VIT: variants seen among roughly 807,000 people sequenced by gnomAD.
The protein encoded by VIT is vitrin.
VIT carries 99 observed loss-of-function variants against 78.0 expected under a neutral mutation model. The ratio of observed to expected loss-of-function variants is 1.27; its 90% CI spans 1.08 to 1.50. The LOEUF (loss-of-function observed/expected upper bound fraction) is 1.50. VIT is among the 40% of genes most tolerant of loss of function. The probability of loss-of-function intolerance (pLI) is 0.00; values close to 1 mark genes in which losing one functional copy is unlikely to be tolerated. For missense variants in VIT, 1,126 were observed against 875.3 expected, an observed-to-expected ratio of 1.29 and a Z score of -3.61; for synonymous variants, 374 against 334.3, an observed-to-expected ratio of 1.12 and a Z score of -1.29.
chr2:36,745,957 T>C (rs1558534538), intron 4 of VIT, among the ~76,000 whole-genome samples: 1 of 152,190 alleles, frequency 6.6e-6, no homozygotes, highest in Non-Finnish European at 1.5e-5. Context: ...TAGATAGCTC[T>C]TATTATTTTG....
rs551895104 is a variant in VIT at position 36,754,906 on chromosome 2, T to A, written c.276-15T>A. On this transcript the variant is annotated splice_polypyrimidine_tract_variant and intron_variant, in intron 4 of 15. Transcript: ENST00000379242. ...TTTCTGTTCTTTCCTGAAAAATTAT[T>A]TTTTCTCTTCATAGTGGTGTGCTTG... is the stretch of plus-strand genomic sequence containing the variant. The A allele has an allele frequency of 1.2e-6, 2 of 1,600,780 alleles. No individual in the cohort carries two copies. The highest frequency in any genetic ancestry group is 2.3e-5 in the South Asian group (2 of 88,188).
Position 36,808,667 on chromosome 2 carries a change from G to T in VIT, c.1585G>T (p.Val529Phe). The T allele has an allele frequency of 1.2e-6, 2 of 1,614,188 alleles. No homozygotes were observed. The highest frequency in any genetic ancestry group is 1.7e-6 in the Non-Finnish European group (2 of 1,180,032). ...SSVGTGNFRT[V>F]LQFVTNLTKE... ...TGTGGGGACGGGCAACTTCCGCACCGTCCTCCAGTTTGTGACCAACCTCAC... is the reference window on the plus strand; with the variant it reads ...TGTGGGGACGGGCAACTTCCGCACCTTCCTCCAGTTTGTGACCAACCTCAC... Residue 529 changes from valine to phenylalanine, a missense_variant, in exon 15 of 16, where the codon GTC (valine) becomes TTC (phenylalanine). Transcript: ENST00000379242.
intron 15 of VIT, 139 bp from the exon 16 acceptor site, chr2:36,814,044 G>A (rs2148694747): frequency 3.2e-6 from 3 of 930,748 alleles, no homozygotes; most frequent in East Asian, 2.6e-5. Flanking sequence ...GAGGCCTGTA[G>A]CGTATTTTTG....
At chr2:36,759,562 C>A in intron 6 of VIT, 2 of 1,052,996 alleles carry the variant, frequency 1.9e-6, no homozygotes, top group East Asian at 1.7e-4. Context: ...GACCTCAGGC[C>A]AAGAAAATAC....
rs758520375 is a variant in VIT, at chr2:36,716,404, GT to G, written c.36del (p.Ile13LeufsTer9). ...TGTTGTTCTCACTATGAAGGCATCT[GT>G]TATTGAAATGTTCCTTGGTAAGTAC... Reference protein sequence around the residue: ...RTVVLTMKASVIEMFLVLLVT... With the variant: ...RTVVLTMKASXIEMFLVLLVT... On this transcript the variant is annotated frameshift_variant, in exon 2 of 16. Transcript: ENST00000379242. LOFTEE classifies it high-confidence loss of function. The G allele has an allele frequency of 9.3e-6, 15 of 1,613,826 alleles. No individual in the cohort carries two copies. The highest frequency in any genetic ancestry group is 1.7e-5 in the Admixed American group (1 of 60,006).
chr2:36,783,247 TG>T, intron 10 of VIT, 92 bp from the exon 11 acceptor site: 2 of 1,226,894 alleles, frequency 1.6e-6, no homozygotes, highest in South Asian at 1.3e-5. Context: ...GCCCCCAAGC[TG>T]GGTGTGAATA....
At chr2:36,772,090 T>A (rs1024416358) in intron 7 of VIT, among the ~76,000 whole-genome samples, 1 of 152,188 alleles carries the variant, frequency 6.6e-6, no homozygotes, top group African/African-American at 2.4e-5. Flanking sequence ...GCCTATGTTA[T>A]CTGCATAATT....
At chr2:36,787,005 C>A in intron 11 of VIT, 124 bp from the exon 12 acceptor site, 1 of 1,251,408 alleles carries the variant, frequency 8.0e-7, no homozygotes. Flanking sequence ...CTGCATCTTC[C>A]TACCTCTTTT....
intron 7 of VIT, among the ~76,000 whole-genome samples, chr2:36,772,556 A>G (rs1285264483): frequency 1.3e-5 from 2 of 151,586 alleles, no homozygotes; most frequent in African/African-American, 4.8e-5. Context: ...CAAAACAAAA[A>G]CTTAGCAGAG....
chr2:36,795,854 A>T (rs1400767911), intron 12 of VIT, among the ~76,000 whole-genome samples: 2 of 152,184 alleles, frequency 1.3e-5, no homozygotes, highest in African/African-American at 4.8e-5. Context: ...TAGCTTTCTT[A>T]AGTGCAAGAA....
In VIT at chr2:36,767,289, A is replaced by G. The variant is rs1485425515; in HGVS notation, c.679+4A>G. ...GGCCACAGGAGCCAGGAGATGGGTC[A>G]GTAGGTAGACCATGTGTTGCTTTGT... On this transcript the variant is annotated splice_donor_region_variant and intron_variant, in intron 7 of 15. Transcript: ENST00000379242. 6.4e-6 allele frequency: 10 copies of G among 1,552,436 alleles called. No individual in the cohort carries two copies. The Middle Eastern group carries it at 6.9e-4, about 107-fold the overall frequency.
chr2:36,715,295 T>C (rs1437046250), intron 1 of VIT, among the ~76,000 whole-genome samples: 1 of 152,068 alleles, frequency 6.6e-6, no homozygotes, highest in African/African-American at 2.4e-5. Context: ...ATTCCAGCAC[T>C]TTGGGAGGCC....
intron 3 of VIT, among the ~76,000 whole-genome samples, chr2:36,734,929 C>T (rs1667421777): frequency 1.3e-5 from 2 of 151,968 alleles, no homozygotes; most frequent in South Asian, 2.1e-4. Context: ...TTTGGGAGGC[C>T]GAGGCAGGTG....
intron 2 of VIT, among the ~76,000 whole-genome samples, chr2:36,726,041 C>T (rs1666823333): frequency 6.6e-6 from 1 of 150,872 alleles, no homozygotes; most frequent in Non-Finnish European, 1.5e-5. Flanking sequence ...TACAATCCAG[C>T]CTGGGTGACA....
chr2:36,729,401 A>G, intron 2 of VIT, 25 bp from the exon 3 acceptor site: 1 of 1,576,298 alleles, frequency 6.3e-7, no homozygotes, highest in Non-Finnish European at 8.6e-7. Context: ...AATTGATTAA[A>G]TTTTTAAAAA....
rs926954612 is a variant in VIT, at chr2:36,759,680, G to A, written c.487+634G>A. 1.4e-5 allele frequency: 14 copies of A among 989,122 alleles called. No individual in the cohort carries two copies. In the Admixed American group the frequency reaches 3.6e-4, roughly 25 times the overall value. 61.3% of individuals were successfully genotyped at this position (989,122 alleles called of 1,614,324 possible). A position where few individuals can be genotyped will look rare whatever the true frequency, so the allele number is the denominator to read the frequency against. ...GAGAAACTGTGAGTCGCTTTATAAC[G>A]GGATTTTGCATTGCTTCCAGAAACT... On this transcript the variant is annotated intron_variant, in intron 6 of 15. Transcript: ENST00000379242.
At chr2:36,703,045 C>G (rs1665165484) in intron 1 of VIT, among the ~76,000 whole-genome samples, 2 of 152,170 alleles carry the variant, frequency 1.3e-5, no homozygotes, top group Non-Finnish European at 2.9e-5. Context: ...CTCTTCCCCT[C>G]TCCTGTAGAG....
Position 36,773,708 on chromosome 2 carries a change from AGT to A in VIT, c.680-81_680-80del, listed in dbSNP as rs569175776. On this transcript the variant is annotated intron_variant, in intron 7 of 15. Transcript: ENST00000379242. ...CACTGCACTCCAGCTCTGGGCATACAGTGAGACTCCGACTCAAAAATAAATAA... is the reference window on the plus strand; with the variant it reads ...CACTGCACTCCAGCTCTGGGCATACAGAGACTCCGACTCAAAAATAAATAA... 9.7e-5 allele frequency: 123 copies of A among 1,264,036 alleles called. 1 individual carries two copies. The African/African-American group carries it at 1.5e-3, about 15-fold the overall frequency. The allele number at this position is 1,264,036 out of a possible 1,614,324, so 78.3% of individuals were successfully genotyped here. A position where few individuals can be genotyped will look rare whatever the true frequency, so the allele number is the denominator to read the frequency against.
At chr2:36,790,762 C>T (rs1201172672) in intron 12 of VIT, among the ~76,000 whole-genome samples, 1 of 152,240 alleles carries the variant, frequency 6.6e-6, no homozygotes, top group Non-Finnish European at 1.5e-5. Flanking sequence ...TGCTACTTTT[C>T]ACCTCCTGAA....
Sources: allele counts gnomAD v4.1 joint callset (sites outside exome capture counted in the v4.1 genomes callset), GRCh38; gene constraint gnomAD v4.1.1; transcripts MANE v1.5; gene names NCBI Gene and HGNC (gene_info 2026-07-23, HGNC 2026-07-21).